DENND1A: variants seen among roughly 807,000 people sequenced by gnomAD.
The protein encoded by DENND1A is DENN domain containing 1A.
In DENND1A, 51 loss-of-function variants were observed where a neutral mutation model predicts 113.7. The observed-to-expected ratio is 0.45, with a 90% CI of 0.36 to 0.57. DENND1A has a LOEUF of 0.57. Ranked by LOEUF, DENND1A falls within the 20% of genes least tolerant of loss-of-function variation. The probability of loss-of-function intolerance (pLI) is 0.00; values close to 1 mark genes in which losing one functional copy is unlikely to be tolerated. For synonymous variants in DENND1A, 565 were observed against 570.8 expected (o/e 0.99, Z 0.14); for missense variants, 1,258 against 1,395.9 (o/e 0.90, Z 1.57).
intron 14 of DENND1A, 63 bp downstream of exon 14, chr9:123,457,730 G>A: frequency 6.8e-7 from 1 of 1,470,986 alleles, no homozygotes; most frequent in Non-Finnish European, 9.3e-7. Flanking sequence ...TACTTAGAGT[G>A]GAGACAGCTG....
chr9:123,626,341 C>T (rs1234851765), intron 10 of DENND1A, among the ~76,000 whole-genome samples: 5 of 151,536 alleles, frequency 3.3e-5, no homozygotes, highest in African/African-American at 1.2e-4. Flanking sequence ...TTCCTGTGAG[C>T]GTACTGTGTG....
chr9:123,737,202 T>A (rs2068629192), intron 5 of DENND1A, among the ~76,000 whole-genome samples: 1 of 152,170 alleles, frequency 6.6e-6, no homozygotes, highest in African/African-American at 2.4e-5. Context: ...GTTGTTGTTG[T>A]ACTTGTTTAA....
chr9:123,704,809 T>C (rs1156296289), intron 5 of DENND1A, among the ~76,000 whole-genome samples: 1 of 151,768 alleles, frequency 6.6e-6, no homozygotes, highest in African/African-American at 2.4e-5. Flanking sequence ...TATCACAAAA[T>C]GAAAAGATTA....
rs115136702 is a variant in DENND1A at position 123,535,520 on chromosome 9, G to A, written c.993+22050C>T. Among the ~76,000 whole-genome samples the A allele has an allele frequency of 5.5e-3, 831 of 152,226 alleles. 5 individuals carry two copies. Among genetic ancestry groups the A allele is most frequent in the African/African-American group, 0.019 (799 of 41,536 alleles). ...TCACAATCTGGCCCCTGCCTCTCTC[G>A]GCCTCTGTCTCCTATGTTTCTCTCT... On this transcript the variant is annotated intron_variant, in intron 13 of 23. Coordinates refer to ENST00000394215, the MANE Select transcript of DENND1A (RefSeq NM_001352964.2).
intron 5 of DENND1A, among the ~76,000 whole-genome samples, chr9:123,753,057 C>T (rs946172306): frequency 1.3e-5 from 2 of 152,110 alleles, no homozygotes; most frequent in Admixed American, 6.5e-5. Flanking sequence ...TTGTTTGGTA[C>T]GACTAGGTTT....
At chr9:123,581,890 C>T (rs2058916762) in intron 12 of DENND1A, among the ~76,000 whole-genome samples, 1 of 152,210 alleles carries the variant, frequency 6.6e-6, no homozygotes, top group Non-Finnish European at 1.5e-5. Context: ...AGCAAAACCA[C>T]ACTTGCCGGT....
At chr9:123,408,959 GC>G (rs1234507128) in intron 20 of DENND1A, among the ~76,000 whole-genome samples, 2 of 152,224 alleles carry the variant, frequency 1.3e-5, no homozygotes, top group South Asian at 2.1e-4. Flanking sequence ...AGAGCTACCT[GC>G]TGCTGACTTT....
intron 9 of DENND1A, among the ~76,000 whole-genome samples, chr9:123,632,458 T>C (rs2061517864): frequency 6.6e-6 from 1 of 152,190 alleles, no homozygotes; most frequent in Non-Finnish European, 1.5e-5. Context: ...TCCTTGCTGG[T>C]GTTGAGTGAG....
At chr9:123,486,094 G>A (rs151159909) in intron 13 of DENND1A, among the ~76,000 whole-genome samples, 3 of 152,294 alleles carry the variant, frequency 2.0e-5, no homozygotes, top group African/African-American at 7.2e-5. Context: ...TTTTGGCATT[G>A]TCACTTTTCT....
At chr9:123,748,850 T>C (rs1466286238) in intron 5 of DENND1A, among the ~76,000 whole-genome samples, 1 of 152,066 alleles carries the variant, frequency 6.6e-6, no homozygotes, top group Admixed American at 6.6e-5. Flanking sequence ...CCAAAAAGGG[T>C]CCCTCATGTC....
At chr9:123,458,530 A>G (rs1027860606) in intron 13 of DENND1A, among the ~76,000 whole-genome samples, 1 of 152,138 alleles carries the variant, frequency 6.6e-6, no homozygotes, top group African/African-American at 2.4e-5. Flanking sequence ...CAACAGTCAG[A>G]TTCTACACCC....
chr9:123,920,516 A>T (rs1856041460), intron 1 of DENND1A, among the ~76,000 whole-genome samples: 1 of 152,226 alleles, frequency 6.6e-6, no homozygotes, highest in Non-Finnish European at 1.5e-5. Context: ...TAAATCTTTT[A>T]TAAAACTGAA....
chr9:123,918,391 A>G (rs932151913), intron 1 of DENND1A, among the ~76,000 whole-genome samples: 4 of 150,650 alleles, frequency 2.7e-5, no homozygotes, highest in East Asian at 4.0e-4. Flanking sequence ...GGGAGGCTGA[A>G]GCAGGAGAAT....
At chr9:123,498,578 T>C (rs955918074) in intron 13 of DENND1A, among the ~76,000 whole-genome samples, 2 of 152,206 alleles carry the variant, frequency 1.3e-5, no homozygotes, top group Non-Finnish European at 2.9e-5. Context: ...TCAACTACCA[T>C]TAAAGCCAAA....
At chr9:123,721,793 C>T (rs949560190) in intron 5 of DENND1A, among the ~76,000 whole-genome samples, 1 of 152,202 alleles carries the variant, frequency 6.6e-6, no homozygotes, top group Non-Finnish European at 1.5e-5. Flanking sequence ...GCCTCCCCAG[C>T]CATATGGAAC....
intron 2 of DENND1A, among the ~76,000 whole-genome samples, chr9:123,864,875 C>T (rs1041516071): frequency 2.6e-5 from 4 of 152,122 alleles, no homozygotes; most frequent in Non-Finnish European, 5.9e-5. Flanking sequence ...CCAACAAATA[C>T]ACACTGAGTG....
chr9:123,613,934 C>T (rs1176186383), intron 10 of DENND1A, among the ~76,000 whole-genome samples: 1 of 151,972 alleles, frequency 6.6e-6, no homozygotes, highest in African/African-American at 2.4e-5. Context: ...TTTCCTTCTC[C>T]CCTGAAAAGG....
chr9:123,503,904 C>T (rs1053384681), intron 13 of DENND1A, among the ~76,000 whole-genome samples: 25 of 152,290 alleles, frequency 1.6e-4, no homozygotes, highest in African/African-American at 5.8e-4. Context: ...GGGTCTTTAT[C>T]GTTCCCTGTG....
chr9:123,640,023 G>A (rs2061943772), intron 9 of DENND1A, among the ~76,000 whole-genome samples: 1 of 152,140 alleles, frequency 6.6e-6, no homozygotes, highest in Non-Finnish European at 1.5e-5. Flanking sequence ...TATGAACCTA[G>A]GGAAGTTGAG....
Sources: gnomAD v4.1 joint callset for allele counts (sites outside exome capture counted in the v4.1 genomes callset) on GRCh38, gnomAD v4.1.1 for gene constraint, MANE v1.5 for transcripts, NCBI Gene and HGNC (gene_info 2026-07-23, HGNC 2026-07-21) for gene names.